Variants in MYO5B observed in about 807,000 individuals in gnomAD.
MYO5B encodes myosin VB.
In MYO5B, 143 loss-of-function variants were observed where a neutral mutation model predicts 229.3. That is an observed-to-expected ratio of 0.62 (90% CI 0.54 to 0.72). The LOEUF is 0.72. MYO5B is among the 30% of genes least tolerant of loss of function. The pLI is 0.00. For synonymous variants in MYO5B, 918 were observed against 885.2 expected (o/e 1.04, Z -0.66); for missense variants, 2,321 against 2,331.0 (o/e 1.00, Z 0.09).
intron 1 of MYO5B, among the ~76,000 whole-genome samples, chr18:50,148,396 G>C (rs2032540030): frequency 6.6e-6 from 1 of 151,452 alleles, no homozygotes; most frequent in African/African-American, 2.4e-5. Flanking sequence ...GAGAATTTTA[G>C]ACCAATATCC....
chr18:49,913,250 A>C (rs116025165), intron 17 of MYO5B, among the ~76,000 whole-genome samples: 290 of 152,330 alleles, frequency 1.9e-3, no homozygotes, highest in African/African-American at 6.8e-3. Flanking sequence ...TACTTAAACA[A>C]ATGCAGTCTT....
intron 1 of MYO5B, among the ~76,000 whole-genome samples, chr18:50,185,297 A>G (rs1323130048): frequency 6.6e-6 from 1 of 152,074 alleles, no homozygotes; most frequent in Non-Finnish European, 1.5e-5. Flanking sequence ...TTTAAAAAAA[A>G]AAAAAGAGAG....
chr18:49,912,079 G>C lies in MYO5B; in HGVS notation c.2185C>G (p.Leu729Val), dbSNP rs201693565. The change falls in exon 18 of 40, where the codon CTG becomes GTG. Residue 729 changes from leucine (L) to valine (V), a missense_variant. By Grantham distance (32) the Leu-to-Val change is conservative. Around this residue, in one of 2 missense-constraint regions of MYO5B, gnomAD observed 2,113 missense variants for 2,044.7 expected, o/e 1.03. Transcript: ENST00000285039. ...TDKKAICRSV[L>V]ENLIKDPDKF... Reference sequence around the variant, plus strand: ...TGGCTCACCTTGATGAGGTTCTCCAGGACAGACCTGCAGATGGCCTTTTTG... The same window carrying C: ...TGGCTCACCTTGATGAGGTTCTCCACGACAGACCTGCAGATGGCCTTTTTG... 30 of 1,614,116 alleles carry C rather than the reference G, an allele frequency of 1.9e-5. No individual in the cohort carries two copies. In the Admixed American group the frequency reaches 3.7e-4, roughly 20 times the overall value.
At chr18:49,841,734 C>G (rs893800812) in intron 34 of MYO5B, among the ~76,000 whole-genome samples, 1 of 152,216 alleles carries the variant, frequency 6.6e-6, no homozygotes, top group East Asian at 1.9e-4. Context: ...CCTTCCATGG[C>G]TGAAGAATGA....
intron 14 of MYO5B, 133 bp from the exon 15 acceptor site, chr18:49,937,530 G>A (rs2025265167): frequency 9.6e-7 from 1 of 1,040,468 alleles, no homozygotes; most frequent in Admixed American, 2.1e-5. Context: ...ACACCAACCT[G>A]CACAGCAGCG....
chr18:49,878,131 G>T (rs568454666), intron 24 of MYO5B, among the ~76,000 whole-genome samples: 1 of 151,874 alleles, frequency 6.6e-6, no homozygotes, highest in Non-Finnish European at 1.5e-5. Context: ...CAATTTCTCC[G>T]AGAAGTCCTG....
At chr18:50,110,610 T>C (rs1464538586) in intron 1 of MYO5B, among the ~76,000 whole-genome samples, 1 of 152,184 alleles carries the variant, frequency 6.6e-6, no homozygotes, top group Non-Finnish European at 1.5e-5. Context: ...TCTTTATCCC[T>C]GAGTGCATGT....
At chr18:50,047,047 A>C (rs1456373251) in intron 2 of MYO5B, among the ~76,000 whole-genome samples, 4 of 152,236 alleles carry the variant, frequency 2.6e-5, no homozygotes, top group Non-Finnish European at 2.9e-5. Flanking sequence ...TTCATGTCTA[A>C]AACACCAAAA....
intron 2 of MYO5B, among the ~76,000 whole-genome samples, chr18:50,045,912 C>G (rs1568084601): frequency 6.6e-6 from 1 of 152,204 alleles, no homozygotes; most frequent in East Asian, 1.9e-4. Context: ...GTCTGATTCA[C>G]TGATAACTTC....
rs543240069 is a variant in MYO5B at position 50,092,156 on chromosome 18, C to T, written c.28-36778G>A. 1.8e-4 allele frequency among the ~76,000 whole-genome samples: 27 copies of T among 152,216 alleles called. No individual in the cohort carries two copies. In the South Asian group the frequency reaches 5.6e-3, roughly 32 times the overall value. On this transcript the variant is annotated intron_variant, in intron 1 of 39. Coordinates refer to ENST00000285039, the MANE Select transcript of MYO5B (RefSeq NM_001080467.3). ...AGGGCCAGCAGAAACAAAGAAGAAT[C>T]CAAATGAATAACTGCCTGCCTTAAA...
intron 16 of MYO5B, among the ~76,000 whole-genome samples, chr18:49,931,724 G>A (rs1405473266): frequency 1.3e-5 from 2 of 152,184 alleles, no homozygotes; most frequent in Non-Finnish European, 2.9e-5. Context: ...GGCTGCCCAT[G>A]ACTGCGAGTG....
chr18:49,977,343 G>A (rs1400802143), intron 9 of MYO5B, among the ~76,000 whole-genome samples: 2 of 152,058 alleles, frequency 1.3e-5, no homozygotes, highest in African/African-American at 4.8e-5. Context: ...GCATCTCCAA[G>A]GCAACCCTGG....
intron 14 of MYO5B, among the ~76,000 whole-genome samples, chr18:49,949,444 G>C (rs1177823282): frequency 6.6e-6 from 1 of 152,020 alleles, no homozygotes; most frequent in African/African-American, 2.4e-5. Flanking sequence ...TCTATTTACA[G>C]CTCCGATAGC....
chr18:50,150,075 T>C (rs1469361567), intron 1 of MYO5B, among the ~76,000 whole-genome samples: 1 of 148,170 alleles, frequency 6.7e-6, no homozygotes, highest in African/African-American at 2.5e-5. Flanking sequence ...AAAAAACACA[T>C]GAAAAAATGC....
intron 26 of MYO5B, among the ~76,000 whole-genome samples, chr18:49,874,353 A>C (rs1270070765): frequency 7.9e-5 from 12 of 152,262 alleles, no homozygotes; most frequent in Non-Finnish European, 1.8e-4. Flanking sequence ...GGATAGGCCA[A>C]GAACTTGTAC....
chr18:50,024,237 A>G (rs60669253), intron 4 of MYO5B, among the ~76,000 whole-genome samples: 1,605 of 152,324 alleles, frequency 0.011, 29 homozygotes, highest in African/African-American at 0.037. Flanking sequence ...TCAATACCAT[A>G]CATTTAAACT....
At chr18:49,888,528 G>C (rs1043364465) in intron 22 of MYO5B, among the ~76,000 whole-genome samples, 1 of 152,168 alleles carries the variant, frequency 6.6e-6, no homozygotes, top group Non-Finnish European at 1.5e-5. Context: ...CACGGGTTTG[G>C]GAATGTGAAG....
At chr18:49,992,539 A>G (rs2025945492) in intron 5 of MYO5B, 108 bp from the exon 6 acceptor site, 2 of 1,495,946 alleles carry the variant, frequency 1.3e-6, no homozygotes, top group Non-Finnish European at 1.9e-6. Context: ...TTACTTACAG[A>G]AACCCTCTGT....
intron 1 of MYO5B, among the ~76,000 whole-genome samples, chr18:50,109,164 C>T (rs542439575): frequency 8.5e-5 from 13 of 152,238 alleles, no homozygotes; most frequent in African/African-American, 3.1e-4. Flanking sequence ...AGAAAGTTTC[C>T]AGTGTCAATA....
Sources: allele counts gnomAD v4.1 joint callset (sites outside exome capture counted in the v4.1 genomes callset), GRCh38; gene constraint gnomAD v4.1.1; regional missense constraint gnomAD v4.1.1; transcripts MANE v1.5; gene names NCBI Gene and HGNC (gene_info 2026-07-23, HGNC 2026-07-21).